The following SRD5A2 variants were observed in gnomAD, a reference collection of about 807,000 sequenced individuals.
SRD5A2 encodes steroid 5 alpha-reductase 2, also known as 3-oxo-5-alpha-steroid 4-dehydrogenase 2.
Under a neutral mutation model 27.4 loss-of-function variants are expected in SRD5A2, and 30 were observed. The ratio of observed to expected loss-of-function variants is 1.10; its 90% confidence interval spans 0.82 to 1.49. SRD5A2 has a LOEUF of 1.49. SRD5A2 is among the 40% of genes most tolerant of loss of function. The pLI is 0.00. For missense variants in SRD5A2, 348 were observed against 323.4 expected (o/e 1.08, Z -0.58); for synonymous variants, 141 against 133.6 (o/e 1.06, Z -0.38).
At chr2:31,630,694 C>T in the SRD5A2 span, among the ~76,000 whole-genome samples, 1 of 152,136 alleles carries the variant, frequency 6.6e-6, no homozygotes, top group African/African-American at 2.4e-5. Context: ...CAGAATTATT[C>T]TAAGTCAAAA....
chr2:31,630,072 G>T, the SRD5A2 span, among the ~76,000 whole-genome samples: 3 of 152,256 alleles, frequency 2.0e-5, no homozygotes, highest in Admixed American at 2.0e-4. Context: ...CCTTGCCAGG[G>T]CCCCAAGTTT....
At chr2:31,530,457 A>G (rs150764960) in intron 3 of SRD5A2, among the ~76,000 whole-genome samples, 1 of 152,340 alleles carries the variant, frequency 6.6e-6, no homozygotes, top group Non-Finnish European at 1.5e-5. Flanking sequence ...CAAAGGGCCT[A>G]TAAATTTTCT....
At chr2:31,651,393 G>A in the SRD5A2 span, 25 of 229,552 alleles carry the variant, frequency 1.1e-4, no homozygotes, top group African/African-American at 5.5e-4. Flanking sequence ...GAACAAAAGA[G>A]CAATCTGGAT....
At chr2:31,583,614 GAAAAAAAAA>G (rs1215302510), upstream of SRD5A2, among the ~76,000 whole-genome samples, 1 of 19,112 alleles carries the variant, frequency 5.2e-5, no homozygotes, top group African/African-American at 1.1e-4. Flanking sequence ...CTCCTTCCAG[GAAAAAAAAA>G]AAAAACAAAA....
chr2:31,590,924 C>A, the SRD5A2 span, among the ~76,000 whole-genome samples: 1 of 152,098 alleles, frequency 6.6e-6, no homozygotes, highest in Non-Finnish European at 1.5e-5. Flanking sequence ...ACACTTTATA[C>A]AAAAATTAAT....
the SRD5A2 span, among the ~76,000 whole-genome samples, chr2:31,634,322 G>T: frequency 6.6e-6 from 1 of 151,858 alleles, no homozygotes; most frequent in African/African-American, 2.4e-5. Flanking sequence ...AAAGAAAAAA[G>T]GTTTAAAAAA....
At chr2:31,630,980 T>C in the SRD5A2 span, among the ~76,000 whole-genome samples, 19 of 152,176 alleles carry the variant, frequency 1.2e-4, no homozygotes, top group African/African-American at 4.1e-4. Context: ...GTTAGGAGAA[T>C]TGCCTAATAA....
intron 1 of SRD5A2, among the ~76,000 whole-genome samples, chr2:31,577,891 C>CA (rs963687509): frequency 1.4e-4 from 22 of 152,030 alleles, no homozygotes. Flanking sequence ...AATTTAGATG[C>CA]AAAAAATGTA....
At chr2:31,633,363 C>T in the SRD5A2 span, among the ~76,000 whole-genome samples, 1 of 152,190 alleles carries the variant, frequency 6.6e-6, no homozygotes, top group Non-Finnish European at 1.5e-5. Flanking sequence ...TTATTATTTA[C>T]TGGACCAGGT....
At chr2:31,571,705 C>T (rs1231722243) in intron 1 of SRD5A2, among the ~76,000 whole-genome samples, 1 of 152,092 alleles carries the variant, frequency 6.6e-6, no homozygotes, top group Non-Finnish European at 1.5e-5. Flanking sequence ...TAAAAGTGGG[C>T]AAAGGACATC....
the SRD5A2 span, chr2:31,651,363 T>C: frequency 4.6e-6 from 1 of 215,596 alleles, no homozygotes; most frequent in African/African-American, 2.3e-5. Context: ...TAAAATGACT[T>C]AGTCAGACAA....
the SRD5A2 span, among the ~76,000 whole-genome samples, chr2:31,629,391 T>C: frequency 1.3e-5 from 2 of 152,288 alleles, no homozygotes; most frequent in South Asian, 2.1e-4. Context: ...TTGGCGACCA[T>C]GAAGGGACCT....
At chr2:31,586,103 A>C in the SRD5A2 span, among the ~76,000 whole-genome samples, 1 of 152,092 alleles carries the variant, frequency 6.6e-6, no homozygotes, top group Non-Finnish European at 1.5e-5. Flanking sequence ...GGTTACACAG[A>C]TAAGTTCTTA....
the SRD5A2 span, among the ~76,000 whole-genome samples, chr2:31,620,500 A>T: frequency 1.3e-5 from 2 of 152,026 alleles, no homozygotes; most frequent in Non-Finnish European, 2.9e-5. Flanking sequence ...CAGGATACTA[A>T]ATCAATGTAC....
chr2:31,612,986 C>A, the SRD5A2 span, among the ~76,000 whole-genome samples: 1 of 152,010 alleles, frequency 6.6e-6, no homozygotes, highest in South Asian at 2.1e-4. Flanking sequence ...GAAATTGGAC[C>A]CTTATTTCAT....
intron 2 of SRD5A2, among the ~76,000 whole-genome samples, chr2:31,533,246 C>T (rs145718550): frequency 6.6e-6 from 1 of 152,116 alleles, no homozygotes; most frequent in East Asian, 1.9e-4. Flanking sequence ...CAGCTTGTGG[C>T]ACAGCAGGAA....
the SRD5A2 span, among the ~76,000 whole-genome samples, chr2:31,618,689 C>A: frequency 1.3e-5 from 2 of 151,848 alleles, no homozygotes; most frequent in African/African-American, 2.4e-5. Context: ...AGGGAGAAAG[C>A]AAGAAAGGGA....
At chr2:31,630,159 C>G in the SRD5A2 span, among the ~76,000 whole-genome samples, 2 of 152,328 alleles carry the variant, frequency 1.3e-5, no homozygotes, top group South Asian at 4.1e-4. Context: ...TACCCCTCTG[C>G]AATACAATCT....
chr2:31,529,910 C>A (rs906501905), intron 3 of SRD5A2, among the ~76,000 whole-genome samples: 1 of 152,128 alleles, frequency 6.6e-6, no homozygotes, highest in Admixed American at 6.5e-5. Context: ...TCTGAACTCA[C>A]GGGAGAAGGA....
Sources: gnomAD v4.1 joint callset for allele counts (sites outside exome capture counted in the v4.1 genomes callset) on GRCh38, gnomAD v4.1.1 for gene constraint, MANE v1.5 for transcripts, NCBI Gene and HGNC (gene_info 2026-07-23, HGNC 2026-07-21) for gene names.